Variants in POTEB3 observed in about 807,000 individuals in gnomAD.
POTEB3 encodes the protein ANKRD26-like family B member 1.
Under a neutral mutation model 39.8 loss-of-function variants are expected in POTEB3, and 5 were observed. That is an observed-to-expected ratio of 0.13 (90% confidence interval 0.07 to 0.26). The LOEUF (loss-of-function observed/expected upper bound fraction) is 0.26, where lower values mean the gene tolerates loss of function less well. POTEB3 is among the 10% of genes least tolerant of loss of function. The probability of loss-of-function intolerance (pLI) is 1.00; values close to 1 mark genes in which losing one functional copy is unlikely to be tolerated. For missense variants in POTEB3, 24 were observed against 475.6 expected, an observed-to-expected ratio of 0.05 and a Z score of 8.83; for synonymous variants, 5 against 161.5, an observed-to-expected ratio of 0.03 and a Z score of 7.35.
intron 10 of POTEB3, among the ~76,000 whole-genome samples, chr15:21,409,882 A>G (rs1162187406): frequency 9.4e-6 from 1 of 105,916 alleles, no homozygotes; most frequent in Non-Finnish European, 1.8e-5. Flanking sequence ...CTGAGGCAGG[A>G]GAATCATGTG....
chr15:21,431,669 TTTA>T, intron 4 of POTEB3, 67 bp downstream of exon 4: 1 of 1,365,458 alleles, frequency 7.3e-7, no homozygotes, highest in Non-Finnish European at 9.9e-7. Flanking sequence ...ATCTTATTAA[TTTA>T]TTATTTATGA....
intron 6 of POTEB3, chr15:21,425,040 T>C (rs1393343011): frequency 0.019 from 2,788 of 147,218 alleles, 53 homozygotes; most frequent in Non-Finnish European, 0.028. Context: ...CCAAACTTTA[T>C]TTCACCATGG....
chr15:21,422,704 C>T (rs1261470686), intron 6 of POTEB3, among the ~76,000 whole-genome samples: 1 of 150,358 alleles, frequency 6.7e-6, no homozygotes, highest in African/African-American at 2.5e-5. Context: ...ATCTCCCCTC[C>T]CCCTCAGCAT....
rs1197899973 is a variant in POTEB3 at position 21,418,082 on chromosome 15, C to CCT, written c.1409+1381_1409+1382insAG. ...GGTGTGATGTTGCACACTTGGGGTC[C>CCT]CAGCTAATAGAGAGGCTGAGGTGGG... On this transcript the variant is annotated intron_variant, in intron 9 of 10. Transcript: ENST00000611217. Among the ~76,000 whole-genome samples, 2 of 95,704 alleles carry CCT rather than the reference C, an allele frequency of 2.1e-5. 1 individual carries two copies. The highest frequency in any genetic ancestry group is 3.8e-5 in the Non-Finnish European group (2 of 52,170). The allele number at this position is 95,704 out of a possible 152,430, so 62.8% of individuals were successfully genotyped here.
chr15:21,414,414 C>T (rs3017208), intron 9 of POTEB3, among the ~76,000 whole-genome samples: 1 of 108,762 alleles, frequency 9.2e-6, no homozygotes, highest in Non-Finnish European at 1.8e-5. Flanking sequence ...ATATAAAATA[C>T]TTTCATTTTG....
rs1234950838 is a variant in POTEB3 at position 21,407,658 on chromosome 15, C to A, written c.*1325G>T. Among the ~76,000 whole-genome samples, 1 of 84,852 alleles carries A rather than the reference C, an allele frequency of 1.2e-5. No individual in the cohort carries two copies. Among genetic ancestry groups the A allele is most frequent in the African/African-American group, 1.1e-4 (1 of 9,214 alleles). 55.7% of individuals were successfully genotyped at this position (84,852 alleles called of 152,430 possible). On this transcript the variant is annotated 3_prime_UTR_variant, in exon 11 of 11. Transcript: ENST00000611217. ...CTAAGGGGTGCTGAGGTCAGACCAG[C>A]CCCATCTCATGTGCAAGACTGCCCA...
intron 6 of POTEB3, among the ~76,000 whole-genome samples, chr15:21,426,422 A>G (rs1413986931): frequency 2.0e-5 from 3 of 150,108 alleles, no homozygotes; most frequent in Non-Finnish European, 1.5e-5. Context: ...TAGTAAAATA[A>G]TAAAAGTGAC....
intron 6 of POTEB3, chr15:21,425,111 A>T (rs1357441781): frequency 4.2e-5 from 6 of 143,326 alleles, no homozygotes; most frequent in African/African-American, 1.6e-4. Context: ...TGGAAACTAT[A>T]GATGACTACT....
chr15:21,417,899 ATAAG>A (rs1898434886), intron 9 of POTEB3, among the ~76,000 whole-genome samples: 1 of 108,732 alleles, frequency 9.2e-6, no homozygotes, highest in African/African-American at 5.8e-5. Flanking sequence ...ACTTTTATAA[ATAAG>A]TGTTACTGCA....
chr15:21,425,228 TA>T (rs1461597269), intron 6 of POTEB3: 1 of 133,846 alleles, frequency 7.5e-6, no homozygotes, highest in Non-Finnish European at 1.6e-5. Context: ...GCTTTGTAAA[TA>T]AAGTTTTATA....
chr15:21,409,958 G>C (rs1364150143), intron 10 of POTEB3, among the ~76,000 whole-genome samples: 2 of 90,054 alleles, frequency 2.2e-5, no homozygotes, highest in Admixed American at 1.9e-4. Flanking sequence ...GGGTGACAGT[G>C]CAAGACTCCA....
chr15:21,422,878 C>G (rs1898562891), intron 6 of POTEB3, among the ~76,000 whole-genome samples: 1 of 149,582 alleles, frequency 6.7e-6, no homozygotes. Context: ...CAAGCCCTGT[C>G]TTTGTTCAGG....
At chr15:21,409,584 G>T (rs1432230327) in intron 10 of POTEB3, among the ~76,000 whole-genome samples, 1 of 90,326 alleles carries the variant, frequency 1.1e-5, no homozygotes, top group Non-Finnish European at 2.1e-5. Flanking sequence ...GCATATATTA[G>T]GACAGAAGCA....
intron 3 of POTEB3, among the ~76,000 whole-genome samples, chr15:21,433,116 A>G (rs1385888261): frequency 4.0e-5 from 6 of 149,820 alleles, no homozygotes; most frequent in African/African-American, 1.5e-4. Context: ...GTTATTGGAA[A>G]GGAAAGATTT....
chr15:21,434,272 G>C (rs1299034986), intron 3 of POTEB3, among the ~76,000 whole-genome samples: 1 of 128,768 alleles, frequency 7.8e-6, no homozygotes, highest in Admixed American at 7.8e-5. Flanking sequence ...CAAAGTAGCA[G>C]GATTACTATT....
Position 21,410,893 on chromosome 15 carries a change from C to G in POTEB3, c.1518G>C (p.Lys506Asn). The change falls in exon 10 of 11, where the codon AAG (lysine) becomes AAC (asparagine). Residue 506 changes from lysine to asparagine, a missense_variant. Physicochemically the swap from Lys to Asn is moderately conservative, Grantham distance 94. Coordinates refer to ENST00000611217, the MANE Select transcript of POTEB3 (RefSeq NM_207355.5). ...AAGAAAATACCTTAGAATTCATTTCCTTTTCAGCCACTTCTATCTGCTTTT... is the reference window on the plus strand; with the variant it reads ...AAGAAAATACCTTAGAATTCATTTCGTTTTCAGCCACTTCTATCTGCTTTT... Reference protein sequence around the residue: ...NKQKQIEVAEKEMNSKLSLSH... With the variant: ...NKQKQIEVAENEMNSKLSLSH... 9.1e-7 allele frequency: 1 copy of G among 1,093,122 alleles called. No homozygotes were observed. Among genetic ancestry groups the G allele is most frequent in the South Asian group, 1.4e-5 (1 of 69,530 alleles). The allele number at this position is 1,093,122 out of a possible 1,614,324, so 67.7% of individuals were successfully genotyped here. A position where few individuals can be genotyped will look rare whatever the true frequency, so the allele number is the denominator to read the frequency against.
At chr15:21,423,154 G>A (rs1898576141) in intron 6 of POTEB3, among the ~76,000 whole-genome samples, 1 of 139,614 alleles carries the variant, frequency 7.2e-6, no homozygotes, top group South Asian at 2.4e-4. Flanking sequence ...AGGCTGGAGT[G>A]CAGTGGCACA....
chr15:21,413,506 TTA>T (rs1160375320), intron 9 of POTEB3, among the ~76,000 whole-genome samples: 64 of 1,452 alleles, frequency 0.044, no homozygotes, highest in Middle Eastern at 0.25. Flanking sequence ...ATAAAGAAAA[TTA>T]TATATATATA....
Position 21,409,772 on chromosome 15 carries a change from A to T in POTEB3, c.1534-577T>A, listed in dbSNP as rs1451164504. 6.8e-5 allele frequency among the ~76,000 whole-genome samples: 7 copies of T among 103,358 alleles called. No homozygotes were observed. The East Asian group carries it at 1.8e-3, about 26-fold the overall frequency. The allele number at this position is 103,358 out of a possible 152,430, so 67.8% of individuals were successfully genotyped here. ...TAAGCATTGCACTTCTACATACAAC[A>T]CTCAACTCATTTAAGATCACGATTC... On this transcript the variant is annotated intron_variant, in intron 10 of 10. Coordinates refer to ENST00000611217, the MANE Select transcript of POTEB3 (RefSeq NM_207355.5).
Sources: allele counts gnomAD v4.1 joint callset (sites outside exome capture counted in the v4.1 genomes callset), GRCh38; gene constraint gnomAD v4.1.1; transcripts MANE v1.5; gene names NCBI Gene and HGNC (gene_info 2026-07-23, HGNC 2026-07-21).